The following PLXNA2 variants were observed in gnomAD, a reference collection of about 807,000 sequenced individuals.
PLXNA2 encodes plexin-A2.
A neutral mutation model predicts 193.5 loss-of-function variants in PLXNA2; 91 were observed. The observed-to-expected ratio is 0.47, with a 90% CI of 0.40 to 0.56. The LOEUF (loss-of-function observed/expected upper bound fraction) is 0.56. Ranked by LOEUF, PLXNA2 falls within the 20% of genes least tolerant of loss-of-function variation. The pLI is 0.00. For missense variants in PLXNA2, 1,995 were observed against 2,503.2 expected (o/e 0.80, Z 4.33); for synonymous variants, 997 against 1,027.3 (o/e 0.97, Z 0.56).
intron 12 of PLXNA2, among the ~76,000 whole-genome samples, chr1:208,064,529 G>T (rs1665726356): frequency 6.6e-6 from 1 of 152,112 alleles, no homozygotes; most frequent in African/African-American, 2.4e-5. Flanking sequence ...TGAGCCTTTG[G>T]ACATGTTACC....
rs974160963 is a variant in PLXNA2, at chr1:208,094,666, T to G, written c.1982+1363A>C. On this transcript the variant is annotated intron_variant, in intron 8 of 31. Coordinates refer to ENST00000367033, the MANE Select transcript of PLXNA2 (RefSeq NM_025179.4). ...TTTGCTGGGATTCAAATGCAGTGGT[T>G]AGAGGGCAGCTTTGTCTATTTCAAC... Among the ~76,000 whole-genome samples, 33 of 152,326 alleles carry G rather than the reference T, an allele frequency of 2.2e-4. 1 individual carries two copies. The highest frequency in any genetic ancestry group is 1.6e-3 in the Admixed American group (25 of 15,306).
chr1:208,198,115 A>G (rs145330410), intron 3 of PLXNA2, among the ~76,000 whole-genome samples: 3 of 152,324 alleles, frequency 2.0e-5, no homozygotes, highest in African/African-American at 2.4e-5. Flanking sequence ...TTAGTGTCAG[A>G]ATCAAAGGCA....
In PLXNA2 at chr1:208,045,923, A is replaced by T. The variant is rs1665047595; in HGVS notation, c.3450T>A (p.Pro1150=). The part of the protein sequence containing the change: ...YPNPTFELLS[P]TGVLDQKPGS... ...CTGGCTTTTGATCCAAGACTCCAGT[A>T]GGGCTAAGCAGTTCAAAGGTCGGGT... Residue 1150 remains proline (P), a synonymous_variant, in exon 18 of 32, where the codon CCT becomes CCA. Coordinates refer to ENST00000367033, the MANE Select transcript of PLXNA2 (RefSeq NM_025179.4). 1.5e-5 allele frequency: 25 copies of T among 1,614,250 alleles called. No homozygotes were observed. Among genetic ancestry groups the T allele is most frequent in the Non-Finnish European group, 2.0e-5 (24 of 1,180,018 alleles).
At chr1:208,118,839 C>T (rs932481135) in intron 4 of PLXNA2, among the ~76,000 whole-genome samples, 32 of 151,768 alleles carry the variant, frequency 2.1e-4, no homozygotes, top group African/African-American at 7.3e-4. Context: ...TGGTGCATGC[C>T]GGGTCCGGTG....
intron 29 of PLXNA2, chr1:208,031,343 A>G: frequency 1.5e-6 from 2 of 1,346,430 alleles, no homozygotes; most frequent in Non-Finnish European, 9.6e-7. Context: ...CACAACCTGG[A>G]GGGGCAGAAT....
intron 4 of PLXNA2, among the ~76,000 whole-genome samples, chr1:208,111,000 G>A (rs1214069122): frequency 6.6e-6 from 1 of 152,184 alleles, no homozygotes; most frequent in Admixed American, 6.5e-5. Flanking sequence ...CAGCAAGAGA[G>A]GTGATACCAG....
At chr1:208,203,387 C>T (rs1351732583) in intron 3 of PLXNA2, among the ~76,000 whole-genome samples, 6 of 152,136 alleles carry the variant, frequency 3.9e-5, no homozygotes, top group Admixed American at 2.6e-4. Context: ...GACGCCTGGG[C>T]GAGTTAGGGT....
intron 1 of PLXNA2, among the ~76,000 whole-genome samples, chr1:208,226,068 A>G (rs764440980): frequency 1.3e-5 from 2 of 152,164 alleles, no homozygotes; most frequent in Admixed American, 6.5e-5. Flanking sequence ...ATAGGCGGGT[A>G]TCTCTGACTC....
At chr1:208,091,138 G>C (rs909673243) in intron 9 of PLXNA2, among the ~76,000 whole-genome samples, 3 of 152,210 alleles carry the variant, frequency 2.0e-5, no homozygotes, top group African/African-American at 7.2e-5. Context: ...GGCACTAGAT[G>C]CCTGGTTTCG....
chr1:208,168,720 C>A (rs1238248476), intron 3 of PLXNA2, among the ~76,000 whole-genome samples: 2 of 27,348 alleles, frequency 7.3e-5, no homozygotes, highest in South Asian at 1.6e-3. Flanking sequence ...AAAGAGTATG[C>A]GGGGTTTTTT....
At chr1:208,128,695 C>CTTT (rs34853346) in intron 4 of PLXNA2, among the ~76,000 whole-genome samples, 42 of 81,620 alleles carry the variant, frequency 5.1e-4, no homozygotes, top group Non-Finnish European at 6.7e-4. Context: ...CTGTTTCTTT[C>CTTT]TTTTTTTTTT....
chr1:208,030,624 G>A, intron 29 of PLXNA2: 3 of 985,422 alleles, frequency 3.0e-6, no homozygotes, highest in Non-Finnish European at 3.6e-6. Flanking sequence ...GCTGGGGTTG[G>A]CTTTTTCCAA....
intron 3 of PLXNA2, among the ~76,000 whole-genome samples, chr1:208,204,764 A>C (rs1185756188): frequency 6.6e-6 from 1 of 152,220 alleles, no homozygotes; most frequent in African/African-American, 2.4e-5. Context: ...AGATCTGTGA[A>C]TCTCAAGGGA....
chr1:208,140,794 T>C (rs1361063688), intron 4 of PLXNA2, among the ~76,000 whole-genome samples: 1 of 152,256 alleles, frequency 6.6e-6, no homozygotes, highest in South Asian at 2.1e-4. Context: ...AGAGCATGTA[T>C]AGAATTCAAT....
At position 208,059,290 on chromosome 1, in the gene PLXNA2, T is replaced by C. The variant is rs138736018; in HGVS notation, c.2738+1396A>G. ...TTTCCTTTCCCTTTTTCCATCTTCCTCATCTCTGTCCTATAGGCCCAGCCA... is the reference window on the plus strand; with the variant it reads ...TTTCCTTTCCCTTTTTCCATCTTCCCCATCTCTGTCCTATAGGCCCAGCCA... On this transcript the variant is annotated intron_variant, in intron 13 of 31. Coordinates refer to ENST00000367033, the MANE Select transcript of PLXNA2 (RefSeq NM_025179.4). 6.1e-3 allele frequency among the ~76,000 whole-genome samples: 928 copies of C among 152,348 alleles called. 12 individuals carry two copies. The highest frequency in any genetic ancestry group is 0.02 in the African/African-American group (837 of 41,576).
At chr1:208,095,368 C>A (rs1226062742) in intron 8 of PLXNA2, among the ~76,000 whole-genome samples, 1 of 152,188 alleles carries the variant, frequency 6.6e-6, no homozygotes, top group Non-Finnish European at 1.5e-5. Context: ...AGCGTGTGGG[C>A]ACCAACTGGC....
At chr1:208,052,530 TC>T in intron 14 of PLXNA2, 67 bp from the exon 15 acceptor site, 1 of 1,503,046 alleles carries the variant, frequency 6.7e-7, no homozygotes, top group Non-Finnish European at 9.2e-7. Flanking sequence ...CATGGTTAGA[TC>T]TAAGGATGGG....
intron 12 of PLXNA2, among the ~76,000 whole-genome samples, chr1:208,064,689 G>T (rs999618824): frequency 6.6e-6 from 1 of 152,208 alleles, no homozygotes; most frequent in Non-Finnish European, 1.5e-5. Flanking sequence ...CCATCTCTGT[G>T]TTGGGCCCGG....
intron 8 of PLXNA2, 124 bp downstream of exon 8, chr1:208,095,905 C>G (rs1036109854): frequency 2.7e-6 from 2 of 740,246 alleles, no homozygotes; most frequent in African/African-American, 3.5e-5. Context: ...AGTGTCAGGC[C>G]CCATGGGGAA....
Sources: allele counts gnomAD v4.1 joint callset (sites outside exome capture counted in the v4.1 genomes callset), GRCh38; gene constraint gnomAD v4.1.1; transcripts MANE v1.5; gene names NCBI Gene and HGNC (gene_info 2026-07-23, HGNC 2026-07-21).